KCNK2: variants seen among roughly 807,000 people sequenced by gnomAD.
KCNK2 encodes potassium channel subfamily K member 2.
In KCNK2, 21 loss-of-function variants were observed where a neutral mutation model predicts 40.5. The observed-to-expected ratio is 0.52, with a 90% CI of 0.37 to 0.75. The LOEUF (loss-of-function observed/expected upper bound fraction) is 0.75, where lower values mean the gene tolerates loss of function less well. KCNK2 is among the 30% of genes least tolerant of loss of function. The probability of loss-of-function intolerance (pLI) is 0.00; values close to 1 mark genes in which losing one functional copy is unlikely to be tolerated. For missense variants in KCNK2, 399 were observed against 531.6 expected (o/e 0.75, Z 2.45); for synonymous variants, 191 against 202.2 (o/e 0.94, Z 0.47).
intron 2 of KCNK2, among the ~76,000 whole-genome samples, chr1:215,092,423 T>C (rs1659728805): frequency 1.3e-5 from 2 of 152,142 alleles, no homozygotes; most frequent in South Asian, 4.1e-4. Flanking sequence ...GGAAGATTGA[T>C]GGGATGCCAC....
At chr1:215,126,878 C>T (rs1427324148) in intron 3 of KCNK2, among the ~76,000 whole-genome samples, 4 of 152,090 alleles carry the variant, frequency 2.6e-5, no homozygotes, top group African/African-American at 9.7e-5. Flanking sequence ...GGACTTTTTA[C>T]TGCATGGTCT....
intron 5 of KCNK2, among the ~76,000 whole-genome samples, chr1:215,179,502 A>G (rs1284331204): frequency 1.3e-5 from 2 of 151,948 alleles, no homozygotes; most frequent in African/African-American, 2.4e-5. Flanking sequence ...TGAGGTAGGC[A>G]TTTGGCAATA....
chr1:215,166,650 C>T (rs893529525), intron 3 of KCNK2, among the ~76,000 whole-genome samples: 1 of 152,114 alleles, frequency 6.6e-6, no homozygotes, highest in Admixed American at 6.6e-5. Flanking sequence ...CATGAAAGTC[C>T]AGACTCCAGT....
chr1:215,133,424 A>G (rs1661760178), intron 3 of KCNK2, among the ~76,000 whole-genome samples: 1 of 152,030 alleles, frequency 6.6e-6, no homozygotes, highest in Non-Finnish European at 1.5e-5. Context: ...TAGATTATAG[A>G]TTTTGCAGAG....
chr1:215,189,215 A>G lies in KCNK2; in HGVS notation c.824-5738A>G, dbSNP rs148866434. Among the ~76,000 whole-genome samples, 403 of 152,322 alleles carry G rather than the reference A, an allele frequency of 2.6e-3. 1 individual carries two copies. The highest frequency in any genetic ancestry group is 9.2e-3 in the African/African-American group (383 of 41,580). The stretch of plus-strand genomic sequence containing the variant: ...GTCTTAGGGACTGTGGACAAACCAA[A>G]AAGTTACTTAACTTTTAGGGTTCTG... On this transcript the variant is annotated intron_variant, in intron 5 of 6. Coordinates refer to ENST00000444842, the MANE Select transcript of KCNK2 (RefSeq NM_001017425.3).
At chr1:215,036,979 T>C (rs1657406694) in intron 1 of KCNK2, among the ~76,000 whole-genome samples, 1 of 149,782 alleles carries the variant, frequency 6.7e-6, no homozygotes, top group African/African-American at 2.4e-5. Flanking sequence ...CTTCTTCCTT[T>C]TCATTCTTAA....
intron 4 of KCNK2, among the ~76,000 whole-genome samples, chr1:215,169,785 A>G (rs1034623997): frequency 7.2e-5 from 11 of 151,974 alleles, no homozygotes; most frequent in Admixed American, 2.6e-4. Flanking sequence ...AGCTGGAATT[A>G]TAGGCACCCG....
At chr1:215,115,840 A>T (rs901498044) in intron 2 of KCNK2, among the ~76,000 whole-genome samples, 1 of 152,058 alleles carries the variant, frequency 6.6e-6, no homozygotes. Flanking sequence ...TCCATACAGT[A>T]ATATGGAATC....
intron 2 of KCNK2, 35 bp from the exon 3 acceptor site, chr1:215,124,598 C>A: frequency 2.5e-6 from 3 of 1,207,700 alleles, no homozygotes; most frequent in South Asian, 2.4e-5. Flanking sequence ...CTGTGTGATT[C>A]ATGTGTACTG....
chr1:215,217,128 T>C (rs1253462873), intron 6 of KCNK2, among the ~76,000 whole-genome samples: 1 of 152,204 alleles, frequency 6.6e-6, no homozygotes, highest in African/African-American at 2.4e-5. Context: ...TGGGCTTCTA[T>C]TTCTTTTGCT....
chr1:215,171,888 G>A (rs1193656892), intron 4 of KCNK2, 109 bp from the exon 5 acceptor site: 10 of 707,540 alleles, frequency 1.4e-5, no homozygotes, highest in East Asian at 5.7e-5. Flanking sequence ...TAACTTTGTG[G>A]GTATACAAGT....
At chr1:215,077,087 A>C (rs138418838) in intron 1 of KCNK2, among the ~76,000 whole-genome samples, 24 of 152,292 alleles carry the variant, frequency 1.6e-4, no homozygotes, top group African/African-American at 5.5e-4. Flanking sequence ...TATAGAGCAA[A>C]AGTTGCTTTT....
intron 1 of KCNK2, among the ~76,000 whole-genome samples, chr1:215,033,825 C>T (rs893444278): frequency 6.6e-6 from 1 of 152,160 alleles, no homozygotes; most frequent in Admixed American, 6.5e-5. Context: ...TGATATGTTT[C>T]AAAATGATTC....
chr1:215,101,946 T>C (rs1230813605), intron 2 of KCNK2, among the ~76,000 whole-genome samples: 2 of 152,074 alleles, frequency 1.3e-5, no homozygotes, highest in Non-Finnish European at 2.9e-5. Context: ...TATACTATAC[T>C]GTTTCCATTA....
intron 2 of KCNK2, among the ~76,000 whole-genome samples, chr1:215,089,249 T>C (rs1166763904): frequency 2.6e-5 from 4 of 152,154 alleles, no homozygotes; most frequent in Non-Finnish European, 5.9e-5. Context: ...CGGATGAGAG[T>C]TCAGATCTTC....
intron 3 of KCNK2, among the ~76,000 whole-genome samples, chr1:215,150,214 T>A (rs1662624808): frequency 6.6e-6 from 1 of 152,144 alleles, no homozygotes; most frequent in African/African-American, 2.4e-5. Context: ...ATGAGCCAGG[T>A]AAGAGCAGGG....
At chr1:215,054,750 AG>A (rs1410810208) in intron 1 of KCNK2, among the ~76,000 whole-genome samples, 2 of 152,198 alleles carry the variant, frequency 1.3e-5, no homozygotes, top group African/African-American at 2.4e-5. Flanking sequence ...TTGAGTTATA[AG>A]GGGGGAATTT....
intron 6 of KCNK2, among the ~76,000 whole-genome samples, chr1:215,225,288 T>A (rs1429441792): frequency 3.3e-5 from 5 of 152,180 alleles, no homozygotes; most frequent in Non-Finnish European, 5.9e-5. Flanking sequence ...AGAAAAATGG[T>A]TTCTGTAGCT....
chr1:215,094,915 C>T (rs1227017334), intron 2 of KCNK2, among the ~76,000 whole-genome samples: 1 of 151,928 alleles, frequency 6.6e-6, no homozygotes, highest in Non-Finnish European at 1.5e-5. Context: ...AATTATTCTG[C>T]ATGTAAATTT....
Sources: allele counts gnomAD v4.1 joint callset (sites outside exome capture counted in the v4.1 genomes callset), GRCh38; gene constraint gnomAD v4.1.1; transcripts MANE v1.5; gene names NCBI Gene and HGNC (gene_info 2026-07-23, HGNC 2026-07-21).